TEX10: variants seen among roughly 807,000 people sequenced by gnomAD.
The protein encoded by TEX10 is testis-expressed protein 10.
A neutral mutation model predicts 104.4 loss-of-function variants in TEX10; 24 were observed. The ratio of observed to expected loss-of-function variants is 0.23; its 90% CI spans 0.17 to 0.32. The LOEUF is 0.32. Ranked by LOEUF, TEX10 falls within the 10% of genes least tolerant of loss-of-function variation. The pLI is 1.00. For missense variants in TEX10, 921 were observed against 1,083.9 expected, an observed-to-expected ratio of 0.85 and a Z score of 2.11; for synonymous variants, 396 against 393.4, an observed-to-expected ratio of 1.01 and a Z score of -0.08.
chr9:100,345,853 T>C (rs1211677038), intron 4 of TEX10, among the ~76,000 whole-genome samples: 1 of 128,862 alleles, frequency 7.8e-6, no homozygotes, highest in African/African-American at 3.1e-5. Context: ...AAGCATGAGT[T>C]ACGCATTTCA....
intron 4 of TEX10, among the ~76,000 whole-genome samples, chr9:100,341,243 G>A (rs1182334297): frequency 1.3e-5 from 2 of 152,206 alleles, no homozygotes; most frequent in Non-Finnish European, 2.9e-5. Flanking sequence ...TGGGATTACA[G>A]GCGTGAGCCA....
chr9:100,339,114 C>T (rs893495362), intron 5 of TEX10, among the ~76,000 whole-genome samples: 95 of 150,628 alleles, frequency 6.3e-4, no homozygotes, highest in African/African-American at 2.2e-3. Context: ...ATTAATCAGG[C>T]ATGGTGGTGA....
chr9:100,341,707 C>T (rs925122037), intron 4 of TEX10, among the ~76,000 whole-genome samples: 3 of 152,134 alleles, frequency 2.0e-5, no homozygotes, highest in Non-Finnish European at 4.4e-5. Context: ...CCCCACACAG[C>T]AGCCAGGGTG....
chr9:100,346,201 T>C lies in TEX10; in HGVS notation c.1008A>G (p.Val336=), dbSNP rs559896770. Reference sequence around the variant, plus strand: ...CAACAGGAGTAGCTAGTTGTGGAGGTACAGCTTCAACCCAGCATTCAATTA... The same window carrying C: ...CAACAGGAGTAGCTAGTTGTGGAGGCACAGCTTCAACCCAGCATTCAATTA... ...PLLIECWVEA[V]PPQLATPVGN... The change falls in exon 4 of 15, where the codon GTA becomes GTG. Residue 336 remains valine, a synonymous_variant. Coordinates refer to ENST00000374902, the MANE Select transcript of TEX10 (RefSeq NM_017746.4). The C allele has an allele frequency of 1.9e-6, 3 of 1,614,018 alleles. No individual in the cohort carries two copies. Among genetic ancestry groups the C allele is most frequent in the Non-Finnish European group, 2.5e-6 (3 of 1,179,952 alleles).
chr9:100,345,538 C>T (rs1248624484), intron 4 of TEX10, among the ~76,000 whole-genome samples: 2 of 152,160 alleles, frequency 1.3e-5, no homozygotes, highest in Non-Finnish European at 1.5e-5. Flanking sequence ...TGATTTAGCA[C>T]CAACTTAATC....
chr9:100,307,993 T>C (rs1834183004), intron 13 of TEX10: 1 of 152,160 alleles, frequency 6.6e-6, no homozygotes. Flanking sequence ...TTTTTAAAAT[T>C]AAAGTAAAAT....
intron 5 of TEX10, among the ~76,000 whole-genome samples, chr9:100,333,671 T>G (rs1587733373): frequency 7.4e-6 from 1 of 135,360 alleles, no homozygotes; most frequent in Non-Finnish European, 1.6e-5. Flanking sequence ...AACAAAAAAA[T>G]GCACTAAAGC....
intron 14 of TEX10, among the ~76,000 whole-genome samples, chr9:100,303,125 C>A (rs983820915): frequency 6.6e-6 from 1 of 152,134 alleles, no homozygotes; most frequent in Non-Finnish European, 1.5e-5. Flanking sequence ...TCCTTAATGA[C>A]AACATTTATG....
rs749099458 is a variant in TEX10, at chr9:100,321,686, T to A, written c.2065A>T (p.Thr689Ser). The A allele has an allele frequency of 6.2e-7, 1 of 1,610,758 alleles. No individual in the cohort carries two copies. Reference sequence around the variant, plus strand: ...TCTGGCAAGTGAATGTGGTTACCTGTAAGTGTGGAAAATAAGAAGCTGAAA... The same window carrying A: ...TCTGGCAAGTGAATGTGGTTACCTGAAAGTGTGGAAAATAAGAAGCTGAAA... ...DYFSFLFSTL[T>S]GFSKEELTWL... Residue 689 changes from threonine (T) to serine (S), a missense_variant, in exon 10 of 15, where the codon ACA (threonine) becomes TCA (serine). Physicochemically the swap from Thr to Ser is moderately conservative, Grantham distance 58. Around this residue, in one of 3 missense-constraint regions of TEX10, gnomAD observed 753 missense variants for 868.4 expected, o/e 0.87. Coordinates refer to ENST00000374902, the MANE Select transcript of TEX10 (RefSeq NM_017746.4).
At chr9:100,331,045 C>T (rs1834849976) in intron 5 of TEX10, among the ~76,000 whole-genome samples, 1 of 150,998 alleles carries the variant, frequency 6.6e-6, no homozygotes, top group Admixed American at 6.6e-5. Context: ...CACCTGAGGT[C>T]AGGAGTTCAA....
At position 100,345,998 on chromosome 9, in the gene TEX10, A is replaced by T. The variant is rs905977068; in HGVS notation, c.1137+74T>A. 7 of 1,494,068 alleles carry T rather than the reference A, an allele frequency of 4.7e-6. No homozygotes were observed. The African/African-American group carries it at 7.0e-5, about 15-fold the overall frequency. 92.6% of individuals were successfully genotyped at this position (1,494,068 alleles called of 1,614,324 possible). On this transcript the variant is annotated intron_variant, in intron 4 of 14. Coordinates refer to ENST00000374902, the MANE Select transcript of TEX10 (RefSeq NM_017746.4). ...AATATATAACCAATTAGTAGTAATG[A>T]GCTGATTTCGAATCTTGCCATTTAT...
rs896590023 is a variant in TEX10, at chr9:100,327,958, G to A, written c.1630C>T (p.Arg544Cys). ...EELRSCRFRY[R>C]SKVLSRWLAG... ...AGCCAACGGGATAACACTTTACTACGATATCTTAGAAAGGCCAAAGAAGAA... is the reference window on the plus strand; with the variant it reads ...AGCCAACGGGATAACACTTTACTACAATATCTTAGAAAGGCCAAAGAAGAA... The change falls in exon 8 of 15, where the codon CGT (arginine) becomes TGT (cysteine). Residue 544 changes from arginine to cysteine, a missense_variant. Physicochemically the swap from Arg to Cys is radical, Grantham distance 180. Transcript: ENST00000374902. 5.8e-6 allele frequency: 9 copies of A among 1,548,418 alleles called. No homozygotes were observed. Among genetic ancestry groups the A allele is most frequent in the Non-Finnish European group, 7.9e-6 (9 of 1,137,946 alleles).
intron 1 of TEX10, chr9:100,352,431 G>A (rs1280416852): frequency 2.8e-5 from 44 of 1,551,626 alleles, no homozygotes; most frequent in Non-Finnish European, 2.7e-5. Context: ...TGGGTTTTAG[G>A]AAACCATCGT....
intron 13 of TEX10, chr9:100,304,618 T>C (rs1834099653): frequency 6.6e-6 from 1 of 152,168 alleles, no homozygotes; most frequent in African/African-American, 2.4e-5. Context: ...CCCAGCACTT[T>C]GGGAGGCTGA....
At chr9:100,321,856 C>G (rs1055377568) in intron 9 of TEX10, 85 bp from the exon 10 acceptor site, 51 of 952,740 alleles carry the variant, frequency 5.4e-5, no homozygotes, top group Non-Finnish European at 6.0e-5. Context: ...AACCATTGTT[C>G]TTTACTGAAA....
rs539391438 is a variant in TEX10 at position 100,347,352 on chromosome 9, G to C, written c.235C>G (p.Leu79Val). ...TGAGACAAAAGGTCTTTAAGTCCAA[G>C]AAGAGCACTTTGTTTAACCCCAGCA... ...YNAGVKQSAL[L>V]GLKDLLSQYP... The change falls in exon 3 of 15, where the codon CTT becomes GTT. Residue 79 changes from leucine to valine, a missense_variant. Around this residue, in one of 3 missense-constraint regions of TEX10, gnomAD observed 118 missense variants for 111.3 expected, o/e 1.06. Transcript: ENST00000374902. 3.1e-6 allele frequency: 5 copies of C among 1,612,542 alleles called. No individual in the cohort carries two copies. The highest frequency in any genetic ancestry group is 4.2e-6 in the Non-Finnish European group (5 of 1,179,316).
chr9:100,334,741 T>C (rs1215110795), intron 5 of TEX10, among the ~76,000 whole-genome samples: 1 of 151,608 alleles, frequency 6.6e-6, no homozygotes, highest in African/African-American at 2.4e-5. Context: ...CTTGGCTCAC[T>C]GCAACCTCCA....
chr9:100,335,207 C>CA (rs1441045814), intron 5 of TEX10, among the ~76,000 whole-genome samples: 1 of 151,530 alleles, frequency 6.6e-6, no homozygotes, highest in Non-Finnish European at 1.5e-5. Context: ...AGGGTCAAGA[C>CA]TTTTTTTTTC....
intron 5 of TEX10, among the ~76,000 whole-genome samples, chr9:100,339,237 C>T (rs1466033856): frequency 4.8e-5 from 4 of 83,534 alleles, no homozygotes; most frequent in African/African-American, 2.2e-4. Flanking sequence ...CAGAGTGAGA[C>T]TCCATCTCAA....
Sources: allele counts gnomAD v4.1 joint callset (sites outside exome capture counted in the v4.1 genomes callset), GRCh38; gene constraint gnomAD v4.1.1; regional missense constraint gnomAD v4.1.1; transcripts MANE v1.5; gene names NCBI Gene and HGNC (gene_info 2026-07-23, HGNC 2026-07-21).